Variants in MSH4 observed in about 807,000 individuals in gnomAD.
MSH4 encodes mutS protein homolog 4.
A neutral mutation model predicts 113.7 loss-of-function variants in MSH4; 106 were observed. That is an observed-to-expected ratio of 0.93 (90% CI 0.80 to 1.10). The LOEUF is 1.10. Among genes scored for constraint, MSH4 ranks in the 50% least tolerant of loss-of-function variants. MSH4 has a pLI of 0.00. For missense variants in MSH4, 1,061 were observed against 1,093.7 expected, an observed-to-expected ratio of 0.97 and a Z score of 0.42; for synonymous variants, 368 against 380.2, an observed-to-expected ratio of 0.97 and a Z score of 0.37.
At chr1:75,889,118 C>T (rs527903589) in intron 15 of MSH4, 133 bp from the exon 16 acceptor site, 42 of 501,356 alleles carry the variant, frequency 8.4e-5, no homozygotes, top group Non-Finnish European at 1.4e-4. Context: ...GAACTGGGGT[C>T]ATGTCTTCTA....
chr1:75,804,304 G>T lies in MSH4; in HGVS notation c.427+391G>T, dbSNP rs1006732159. 2.0e-5 allele frequency among the ~76,000 whole-genome samples: 3 copies of T among 151,842 alleles called. No homozygotes were observed. In the South Asian group the frequency reaches 6.2e-4, roughly 31 times the overall value. On this transcript the variant is annotated intron_variant, in intron 2 of 19. Transcript: ENST00000263187. ...CTTGAAGAGTAGATAGATAAAATAG[G>T]TTTTCATGTATAACAGTTTTCTAAG...
chr1:75,893,953 C>T (rs1652316570), intron 17 of MSH4, among the ~76,000 whole-genome samples: 2 of 152,112 alleles, frequency 1.3e-5, no homozygotes, highest in South Asian at 4.1e-4. Flanking sequence ...TGGTTTAATG[C>T]AGGGATTCAA....
At chr1:75,811,024 A>C (rs1273735264) in intron 4 of MSH4, among the ~76,000 whole-genome samples, 3 of 152,014 alleles carry the variant, frequency 2.0e-5, no homozygotes, top group African/African-American at 7.2e-5. Flanking sequence ...GGCGTGTGTT[A>C]CCACACCCAG....
chr1:75,903,439 T>C (rs1180741679), intron 19 of MSH4, among the ~76,000 whole-genome samples: 1 of 152,088 alleles, frequency 6.6e-6, no homozygotes, highest in African/African-American at 2.4e-5. Flanking sequence ...GGCTTTGTAG[T>C]ATATTTTAAA....
intron 19 of MSH4, among the ~76,000 whole-genome samples, chr1:75,907,344 T>C (rs1048536438): frequency 2.6e-5 from 4 of 152,036 alleles, no homozygotes; most frequent in African/African-American, 9.7e-5. Context: ...CCTCCTGATC[T>C]ATATGGTTTT....
At chr1:75,845,595 G>A (rs1017310595) in intron 7 of MSH4, among the ~76,000 whole-genome samples, 27 of 152,150 alleles carry the variant, frequency 1.8e-4, no homozygotes, top group African/African-American at 6.5e-4. Flanking sequence ...GGCTCTCAAG[G>A]CCTCAGGCAG....
rs535396708 is a variant in MSH4 at position 75,890,731 on chromosome 1, G to A, written c.2262G>A (p.Ser754=). Reference sequence around the variant, plus strand: ...TTCTACATAATGCTAATGACAAATCGCTCATATTAATTGATGAACTTGGCA... The same window carrying A: ...TTCTACATAATGCTAATGACAAATCACTCATATTAATTGATGAACTTGGCA... ...AYILHNANDK[S]LILIDELGRG... The change falls in exon 17 of 20, where the codon TCG becomes TCA. Residue 754 remains serine (S), a synonymous_variant. Transcript: ENST00000263187. 4.1e-5 allele frequency: 66 copies of A among 1,603,204 alleles called. 1 individual carries two copies. The East Asian group carries it at 5.2e-4, about 13-fold the overall frequency.
chr1:75,860,490 C>T (rs924992053), intron 8 of MSH4, among the ~76,000 whole-genome samples: 3 of 152,154 alleles, frequency 2.0e-5, no homozygotes, highest in Non-Finnish European at 4.4e-5. Context: ...ATTTGCTTCT[C>T]GCTAAAGGAT....
chr1:75,863,761 C>T (rs1039048595), intron 8 of MSH4, among the ~76,000 whole-genome samples: 1 of 152,160 alleles, frequency 6.6e-6, no homozygotes, highest in Non-Finnish European at 1.5e-5. Flanking sequence ...TGAACACACT[C>T]ATTTCTCATT....
chr1:75,858,819 C>T (rs111924356), intron 8 of MSH4, among the ~76,000 whole-genome samples: 3,336 of 152,098 alleles, frequency 0.022, 127 homozygotes, highest in African/African-American at 0.076. Context: ...TTCTATTGAT[C>T]GGAATATTTC....
At chr1:75,797,641 T>C (rs1649846264) in intron 1 of MSH4, among the ~76,000 whole-genome samples, 2 of 140 alleles carry the variant, frequency 0.014, no homozygotes, top group African/African-American at 0.036. Flanking sequence ...ATGTTTAGTA[T>C]TAAAAGAGTG....
At chr1:75,823,696 A>G (rs575316901) in intron 7 of MSH4, among the ~76,000 whole-genome samples, 1 of 152,170 alleles carries the variant, frequency 6.6e-6, no homozygotes, top group East Asian at 1.9e-4. Context: ...CTCATTGTTC[A>G]ACTCCCACTT....
At chr1:75,813,495 T>G (rs1265103563) in intron 4 of MSH4, among the ~76,000 whole-genome samples, 1 of 152,070 alleles carries the variant, frequency 6.6e-6, no homozygotes, top group Non-Finnish European at 1.5e-5. Flanking sequence ...GTTTTTTTCA[T>G]CAGTAAATTA....
At chr1:75,851,369 T>C (rs1372051990) in intron 8 of MSH4, among the ~76,000 whole-genome samples, 3 of 152,108 alleles carry the variant, frequency 2.0e-5, no homozygotes, top group Non-Finnish European at 4.4e-5. Flanking sequence ...GACTTAGGGT[T>C]TATAGACTAC....
chr1:75,863,623 A>G (rs1213454900), intron 8 of MSH4, among the ~76,000 whole-genome samples: 4 of 152,018 alleles, frequency 2.6e-5, no homozygotes, highest in African/African-American at 9.7e-5. Context: ...CACTGGGAGG[A>G]TTATCTGTAA....
intron 3 of MSH4, among the ~76,000 whole-genome samples, chr1:75,809,472 A>G (rs1650139791): frequency 6.6e-6 from 1 of 152,178 alleles, no homozygotes; most frequent in East Asian, 1.9e-4. Context: ...AATGTTAGAC[A>G]AATTGAGAAT....
At chr1:75,878,424 T>A in intron 11 of MSH4, 106 bp downstream of exon 11, 1 of 883,238 alleles carries the variant, frequency 1.1e-6, no homozygotes, top group Admixed American at 3.2e-5. Context: ...TTTAAATTTA[T>A]TTTTCGTTAC....
chr1:75,867,652 A>G, intron 9 of MSH4, 64 bp downstream of exon 9: 5 of 1,121,656 alleles, frequency 4.5e-6, no homozygotes, highest in Non-Finnish European at 6.4e-6. Context: ...TTTGTTGGAA[A>G]AAAATTTCAA....
At chr1:75,802,063 G>A (rs1649949338) in intron 1 of MSH4, among the ~76,000 whole-genome samples, 1 of 152,128 alleles carries the variant, frequency 6.6e-6, no homozygotes, top group Admixed American at 6.5e-5. Flanking sequence ...CAGCTACTCG[G>A]GAGGGTGAGG....
Sources: allele counts gnomAD v4.1 joint callset (sites outside exome capture counted in the v4.1 genomes callset), GRCh38; gene constraint gnomAD v4.1.1; transcripts MANE v1.5; gene names NCBI Gene and HGNC (gene_info 2026-07-23, HGNC 2026-07-21).